The following DHX36 variants were observed in gnomAD, a reference collection of about 807,000 sequenced individuals.
DHX36 encodes DEAH-box helicase 36, also known as ATP-dependent DNA/RNA helicase DHX36.
A neutral mutation model predicts 139.0 loss-of-function variants in DHX36; 50 were observed. That is an observed-to-expected ratio of 0.36 (90% CI 0.29 to 0.46). The LOEUF is 0.46. Among genes scored for constraint, DHX36 ranks in the 20% least tolerant of loss-of-function variants. The pLI, the probability that DHX36 is intolerant of heterozygous loss-of-function variation, is 1.00. For missense variants in DHX36, 1,024 were observed against 1,211.3 expected, an observed-to-expected ratio of 0.85 and a Z score of 2.29; for synonymous variants, 425 against 401.9, an observed-to-expected ratio of 1.06 and a Z score of -0.69.
chr3:154,313,992 C>A (rs568315390), intron 3 of DHX36, among the ~76,000 whole-genome samples: 1 of 152,198 alleles, frequency 6.6e-6, no homozygotes, highest in Admixed American at 6.5e-5. Context: ...AATAGGAAGA[C>A]CACCAACTTT....
At chr3:154,315,018 A>G in intron 3 of DHX36, 28 bp downstream of exon 3, 1 of 1,504,866 alleles carries the variant, frequency 6.6e-7, no homozygotes, top group Non-Finnish European at 9.1e-7. Context: ...AAAAAATGAC[A>G]AAATATTTTT....
At chr3:154,309,042 G>T (rs1281946152) in intron 5 of DHX36, among the ~76,000 whole-genome samples, 1 of 151,998 alleles carries the variant, frequency 6.6e-6, no homozygotes, top group Non-Finnish European at 1.5e-5. Context: ...ACAAATATTA[G>T]CCAGGTATGG....
intron 13 of DHX36, 55 bp downstream of exon 13, chr3:154,295,229 C>A: frequency 1.8e-6 from 2 of 1,106,332 alleles, no homozygotes; most frequent in South Asian, 1.5e-5. Flanking sequence ...ACAAGCAGTC[C>A]TTAAAGCTTG....
intron 12 of DHX36, among the ~76,000 whole-genome samples, chr3:154,298,997 C>G (rs562396262): frequency 6.6e-6 from 1 of 152,080 alleles, no homozygotes; most frequent in Non-Finnish European, 1.5e-5. Flanking sequence ...AGAGGCCACA[C>G]GTGGTGGCTC....
intron 1 of DHX36, among the ~76,000 whole-genome samples, chr3:154,322,922 A>C (rs1713248528): frequency 6.6e-6 from 1 of 152,244 alleles, no homozygotes; most frequent in Non-Finnish European, 1.5e-5. Context: ...GCTGTAAAAG[A>C]AATGGATTTG....
At chr3:154,317,901 A>G (rs982793238) in intron 1 of DHX36, among the ~76,000 whole-genome samples, 10 of 152,072 alleles carry the variant, frequency 6.6e-5, no homozygotes, top group African/African-American at 2.4e-4. Flanking sequence ...TAATTTCACA[A>G]AATACTTCCC....
At chr3:154,302,331 C>T (rs1174348000) in intron 9 of DHX36, among the ~76,000 whole-genome samples, 1 of 152,196 alleles carries the variant, frequency 6.6e-6, no homozygotes, top group African/African-American at 2.4e-5. Context: ...TGGTACATAA[C>T]TGCCTGATAC....
At position 154,285,043 on chromosome 3, in the gene DHX36, C is replaced by T. The variant is rs1050264097; in HGVS notation, c.2032-56G>A. ...ATCCTGTAAAGCATTACATTTAAAA[C>T]GATTTTAGCTTGCTTTAAAAAGAGT... On this transcript the variant is annotated intron_variant, in intron 17 of 24. Coordinates refer to ENST00000496811, the MANE Select transcript of DHX36 (RefSeq NM_020865.3). The T allele has an allele frequency of 3.8e-5, 60 of 1,564,212 alleles. No individual in the cohort carries two copies. The African/African-American group carries it at 5.3e-4, about 14-fold the overall frequency.
chr3:154,280,895 T>A (rs755988740), intron 20 of DHX36, 33 bp from the exon 21 acceptor site: 1 of 1,497,952 alleles, frequency 6.7e-7, no homozygotes, highest in Non-Finnish European at 9.3e-7. Flanking sequence ...AGAACTAGAA[T>A]ACCTTTCACA....
At chr3:154,278,107 G>T (rs1719214273) in intron 22 of DHX36, among the ~76,000 whole-genome samples, 1 of 152,062 alleles carries the variant, frequency 6.6e-6, no homozygotes, top group Admixed American at 6.6e-5. Context: ...TTCATACCAA[G>T]AGTTTATACA....
rs772898511 is a variant in DHX36 at position 154,305,186 on chromosome 3, GAATT to G, written c.894-22_894-19del. The G allele has an allele frequency of 7.5e-6, 12 of 1,602,128 alleles. No individual in the cohort carries two copies. The highest frequency in any genetic ancestry group is 6.7e-5 in the East Asian group (3 of 44,694). On this transcript the variant is annotated intron_variant, in intron 6 of 24. Transcript: ENST00000496811. ...GCAACCGACTGTGAATGAAAGACAT[GAATT>G]AATAAGCCTTGGTTTTCTCTTCTAA...
chr3:154,299,486 C>T (rs1473412761), intron 12 of DHX36, among the ~76,000 whole-genome samples: 1 of 152,088 alleles, frequency 6.6e-6, no homozygotes, highest in Non-Finnish European at 1.5e-5. Flanking sequence ...GTTCAGGTCG[C>T]ATTCTTAGAT....
In DHX36 at chr3:154,273,894, C is replaced by T. The variant is rs1476526074; in HGVS notation, c.*2277G>A. On this transcript the variant is annotated 3_prime_UTR_variant, in exon 25 of 25. Coordinates refer to ENST00000496811, the MANE Select transcript of DHX36 (RefSeq NM_020865.3). The stretch of plus-strand genomic sequence containing the variant: ...GTTTCTTTCTGCAGCATGTCCAGCA[C>T]TTTTACACCTTCTGTCAGACAAATA... The T allele has an allele frequency of 1.3e-5, 2 of 152,216 alleles. No homozygotes were observed. The highest frequency in any genetic ancestry group is 2.1e-4 in the South Asian group (1 of 4,836). 9.4% of individuals were successfully genotyped at this position (152,216 alleles called of 1,614,324 possible). A position where few individuals can be genotyped will look rare whatever the true frequency, so the allele number is the denominator to read the frequency against.
At position 154,283,287 on chromosome 3, in the gene DHX36, A is replaced by T; in HGVS notation, c.2293-16T>A. 6.3e-7 allele frequency: 1 copy of T among 1,577,832 alleles called. No individual in the cohort carries two copies. Among genetic ancestry groups the T allele is most frequent in the Non-Finnish European group, 8.7e-7 (1 of 1,148,006 alleles). On this transcript the variant is annotated splice_polypyrimidine_tract_variant and intron_variant, in intron 19 of 24. Transcript: ENST00000496811. ...CTTCCCAGCCCTATGGGGCAAAGAA[A>T]TGAAGAAATCTATATTTCTCCCGCA... is the stretch of plus-strand genomic sequence containing the variant.
At chr3:154,313,869 A>G (rs979821799) in intron 3 of DHX36, among the ~76,000 whole-genome samples, 1 of 152,212 alleles carries the variant, frequency 6.6e-6, no homozygotes, top group South Asian at 2.1e-4. Flanking sequence ...AACCTCAGGT[A>G]GGTCACTTAA....
intron 3 of DHX36, 117 bp from the exon 4 acceptor site, chr3:154,311,791 C>A: frequency 3.0e-6 from 2 of 669,308 alleles, no homozygotes; most frequent in Middle Eastern, 3.4e-4. Context: ...TTTTTATTAT[C>A]TCATGGCTTG....
At chr3:154,295,603 G>A (rs1351944258) in intron 12 of DHX36, among the ~76,000 whole-genome samples, 2 of 152,120 alleles carry the variant, frequency 1.3e-5, no homozygotes. Flanking sequence ...AGCGCTCCAA[G>A]TTCAAGCTAA....
At chr3:154,292,829 T>A in intron 14 of DHX36, 135 bp from the exon 15 acceptor site, 2 of 1,381,744 alleles carry the variant, frequency 1.4e-6, no homozygotes, top group South Asian at 3.1e-5. Flanking sequence ...TTTTATTACA[T>A]CAAATGATTT....
intron 17 of DHX36, among the ~76,000 whole-genome samples, chr3:154,287,061 G>A (rs1462348424): frequency 6.6e-6 from 1 of 152,078 alleles, no homozygotes; most frequent in East Asian, 1.9e-4. Context: ...AGAAATACAG[G>A]CCAACAGATG....
Sources: allele counts gnomAD v4.1 joint callset (sites outside exome capture counted in the v4.1 genomes callset), GRCh38; gene constraint gnomAD v4.1.1; transcripts MANE v1.5; gene names NCBI Gene and HGNC (gene_info 2026-07-23, HGNC 2026-07-21).